The following SRD5A2 variants were observed in gnomAD, a reference collection of about 807,000 sequenced individuals.
The protein encoded by SRD5A2 is 3-oxo-5-alpha-steroid 4-dehydrogenase 2.
In SRD5A2, 30 loss-of-function variants were observed where a neutral mutation model predicts 27.4. The ratio of observed to expected loss-of-function variants is 1.10; its 90% CI spans 0.82 to 1.49. The LOEUF is 1.49. Ranked by LOEUF, SRD5A2 falls within the 40% of genes most tolerant of loss-of-function variation. The probability of loss-of-function intolerance (pLI) is 0.00; values close to 1 mark genes in which losing one functional copy is unlikely to be tolerated. For synonymous variants in SRD5A2, 141 were observed against 133.6 expected (o/e 1.06, Z -0.38); for missense variants, 348 against 323.4 (o/e 1.08, Z -0.58).
the SRD5A2 span, among the ~76,000 whole-genome samples, chr2:31,599,012 G>A: frequency 6.6e-6 from 1 of 151,934 alleles, no homozygotes; most frequent in Non-Finnish European, 1.5e-5. Flanking sequence ...AAAAAGAGCA[G>A]AAGTGCTATA....
At chr2:31,618,880 AT>A in the SRD5A2 span, among the ~76,000 whole-genome samples, 1 of 152,160 alleles carries the variant, frequency 6.6e-6, no homozygotes, top group Non-Finnish European at 1.5e-5. Flanking sequence ...GGATACATTA[AT>A]TACCTTAATT....
intron 1 of SRD5A2, among the ~76,000 whole-genome samples, chr2:31,571,156 A>G (rs1315108601): frequency 1.3e-5 from 2 of 152,224 alleles, no homozygotes; most frequent in East Asian, 3.8e-4. Context: ...ACAGCGTGGC[A>G]CTGGTACAAA....
At chr2:31,627,901 T>C in the SRD5A2 span, among the ~76,000 whole-genome samples, 1 of 152,164 alleles carries the variant, frequency 6.6e-6, no homozygotes, top group African/African-American at 2.4e-5. Flanking sequence ...AATTACGTAG[T>C]CAATTTTATA....
intron 1 of SRD5A2, among the ~76,000 whole-genome samples, chr2:31,553,934 A>G (rs1666436407): frequency 6.6e-6 from 1 of 152,158 alleles, no homozygotes; most frequent in African/African-American, 2.4e-5. Flanking sequence ...ACAAAGGAGT[A>G]GTAAGTTTTG....
At chr2:31,551,813 C>G (rs1198112352) in intron 1 of SRD5A2, among the ~76,000 whole-genome samples, 2 of 151,974 alleles carry the variant, frequency 1.3e-5, no homozygotes, top group African/African-American at 2.4e-5. Flanking sequence ...TTATAGTGAT[C>G]AAGACTATGT....
rs1251628669 is a variant in SRD5A2 at position 31,522,938 on chromosome 2, C to T, written c.*3258G>A. The stretch of plus-strand genomic sequence containing the variant: ...TAGTGAGATTGCCATGAGGTAACCA[C>T]AAAAATCCAAGAGAGCTATTATCAA... On this transcript the variant is annotated 3_prime_UTR_variant, in exon 5 of 5. Transcript: ENST00000622030. 2 of 221,676 alleles carry T rather than the reference C, an allele frequency of 9.0e-6. No homozygotes were observed. The highest frequency in any genetic ancestry group is 1.8e-5 in the Non-Finnish European group (2 of 111,060). The allele number at this position is 221,676 out of a possible 1,614,324, so 13.7% of individuals were successfully genotyped here. A position where few individuals can be genotyped will look rare whatever the true frequency, so the allele number is the denominator to read the frequency against.
the SRD5A2 span, among the ~76,000 whole-genome samples, chr2:31,599,989 T>C: frequency 1.3e-5 from 2 of 151,934 alleles, no homozygotes; most frequent in Non-Finnish European, 2.9e-5. Context: ...CTTCCCATCC[T>C]ACACCTCAGG....
At chr2:31,531,496 G>T (rs1358593070) in intron 2 of SRD5A2, 24 bp from the exon 3 acceptor site, 3 of 1,524,370 alleles carry the variant, frequency 2.0e-6, no homozygotes, top group Non-Finnish European at 1.8e-6. Context: ...AGAGAAAGGA[G>T]AAATTTTTTT....
At chr2:31,570,559 A>G (rs1189985886) in intron 1 of SRD5A2, among the ~76,000 whole-genome samples, 1 of 152,146 alleles carries the variant, frequency 6.6e-6, no homozygotes, top group African/African-American at 2.4e-5. Context: ...TAAAAGGCAT[A>G]CAAATAGGAA....
intron 1 of SRD5A2, among the ~76,000 whole-genome samples, chr2:31,542,739 G>C (rs72866095): frequency 6.6e-6 from 1 of 152,042 alleles, no homozygotes; most frequent in Admixed American, 6.6e-5. Flanking sequence ...AAATCATCAA[G>C]TCTGAGGAAC....
chr2:31,642,762 CA>C, the SRD5A2 span, among the ~76,000 whole-genome samples: 1 of 151,852 alleles, frequency 6.6e-6, no homozygotes, highest in Non-Finnish European at 1.5e-5. Flanking sequence ...ATAAACAACC[CA>C]AATGTCCACT....
At chr2:31,644,778 C>T in the SRD5A2 span, among the ~76,000 whole-genome samples, 1 of 152,100 alleles carries the variant, frequency 6.6e-6, no homozygotes, top group African/African-American at 2.4e-5. Flanking sequence ...TGTTAAATTT[C>T]CTTATTTGTA....
At chr2:31,617,010 T>C in the SRD5A2 span, among the ~76,000 whole-genome samples, 26 of 152,276 alleles carry the variant, frequency 1.7e-4, no homozygotes, top group African/African-American at 5.1e-4. Flanking sequence ...TGAGATCGGA[T>C]GATGGTTTTA....
chr2:31,607,254 T>G, the SRD5A2 span, among the ~76,000 whole-genome samples: 1 of 151,948 alleles, frequency 6.6e-6, no homozygotes, highest in African/African-American at 2.4e-5. Context: ...ACTGAAATAT[T>G]TCCAAATTTG....
chr2:31,531,386 A>T lies in SRD5A2; in HGVS notation c.532T>A (p.Tyr178Asn). The T allele has an allele frequency of 6.3e-7, 1 of 1,586,718 alleles. No individual in the cohort carries two copies. Among genetic ancestry groups the T allele is most frequent in the Non-Finnish European group, 8.6e-7 (1 of 1,165,480 alleles). ...GAGACATTACCTTGTGGAATCCTGT[A>T]GCTGATTTCTCCAGGCTTCCTGAGC... Reference protein sequence around the residue: ...RQLRKPGEISYRIPQGGLFTY... With the variant: ...RQLRKPGEISNRIPQGGLFTY... The change falls in exon 3 of 5, where the codon TAC (tyrosine) becomes AAC (asparagine). Residue 178 changes from tyrosine (Y) to asparagine (N), a missense_variant. By Grantham distance (143) the Tyr-to-Asn change is moderately radical. Transcript: ENST00000622030.
At chr2:31,661,640 T>TAA in the SRD5A2 span, among the ~76,000 whole-genome samples, 1 of 152,226 alleles carries the variant, frequency 6.6e-6, no homozygotes, top group African/African-American at 2.4e-5. Flanking sequence ...AGTTGACTCT[T>TAA]ACGTTATTTA....
Position 31,567,456 on chromosome 2 carries a change from G to GTGTGTATA in SRD5A2, c.281+13163_281+13164insTATACACA, listed in dbSNP as rs143408801. ...TTGGTGTGTGTGTGTGTGTGTGTGT[G>GTGTGTATA]TATATATATATATATATCTACCAGT... On this transcript the variant is annotated intron_variant, in intron 1 of 4. Transcript: ENST00000622030. Among the ~76,000 whole-genome samples, 376 of 140,298 alleles carry GTGTGTATA rather than the reference G, an allele frequency of 2.7e-3. 1 individual carries two copies. The highest frequency in any genetic ancestry group is 7.0e-3 in the East Asian group (34 of 4,846). 92.0% of individuals were successfully genotyped at this position (140,298 alleles called of 152,430 possible).
the SRD5A2 span, among the ~76,000 whole-genome samples, chr2:31,654,838 C>T: frequency 6.6e-6 from 1 of 152,150 alleles, no homozygotes; most frequent in Non-Finnish European, 1.5e-5. Flanking sequence ...ATGCTAAATC[C>T]TCTTCTCTGG....
chr2:31,566,180 T>G (rs1055886197), intron 1 of SRD5A2, among the ~76,000 whole-genome samples: 1 of 152,028 alleles, frequency 6.6e-6, no homozygotes, highest in Non-Finnish European at 1.5e-5. Flanking sequence ...TAACAACATG[T>G]CGGAATTTGT....
Sources: allele counts gnomAD v4.1 joint callset (sites outside exome capture counted in the v4.1 genomes callset), GRCh38; gene constraint gnomAD v4.1.1; transcripts MANE v1.5; gene names NCBI Gene and HGNC (gene_info 2026-07-23, HGNC 2026-07-21).